DNER: variants seen among roughly 807,000 people sequenced by gnomAD.
DNER encodes delta/notch like EGF repeat containing.
Under a neutral mutation model 78.2 loss-of-function variants are expected in DNER, and 33 were observed. That is an observed-to-expected ratio of 0.42 (90% CI 0.32 to 0.56). The LOEUF is 0.56. DNER is among the 20% of genes least tolerant of loss of function. The probability of loss-of-function intolerance (pLI) is 0.11; values close to 1 mark genes in which losing one functional copy is unlikely to be tolerated. For missense variants in DNER, 918 were observed against 975.3 expected, an observed-to-expected ratio of 0.94 and a Z score of 0.78; for synonymous variants, 417 against 384.8, an observed-to-expected ratio of 1.08 and a Z score of -0.98.
Position 229,381,721 on chromosome 2 carries a change from T to C in DNER, c.1855+6544A>G, listed in dbSNP as rs371702905. ...GCAAAGCCACTATAACCAGACAGCCTCTCTAGATTCCTCCTCTCTGTGCAG... is the reference window on the plus strand; with the variant it reads ...GCAAAGCCACTATAACCAGACAGCCCCTCTAGATTCCTCCTCTCTGTGCAG... On this transcript the variant is annotated intron_variant, in intron 11 of 12. Transcript: ENST00000341772. 3.1e-4 allele frequency among the ~76,000 whole-genome samples: 47 copies of C among 152,266 alleles called. 1 individual carries two copies. In the East Asian group the frequency reaches 8.7e-3, roughly 28 times the overall value.
chr2:229,713,191 T>G (rs1699934194), intron 1 of DNER, among the ~76,000 whole-genome samples: 1 of 152,244 alleles, frequency 6.6e-6, no homozygotes, highest in Non-Finnish European at 1.5e-5. Context: ...TGCCCTACCC[T>G]GCAATACAGG....
At chr2:229,508,886 G>A (rs11896629) in intron 6 of DNER, among the ~76,000 whole-genome samples, 18 of 130 alleles carry the variant, frequency 0.14, no homozygotes, top group South Asian at 0.5. Flanking sequence ...ATCTCAAAAA[G>A]AAAAGAAAAG....
At chr2:229,413,626 T>C (rs1693578874) in intron 9 of DNER, among the ~76,000 whole-genome samples, 1 of 151,570 alleles carries the variant, frequency 6.6e-6, no homozygotes, top group South Asian at 2.1e-4. Flanking sequence ...CGGCCTTTTT[T>C]CCTTTTTCAA....
At chr2:229,453,252 A>G (rs1694498337) in intron 7 of DNER, among the ~76,000 whole-genome samples, 1 of 152,226 alleles carries the variant, frequency 6.6e-6, no homozygotes, top group Non-Finnish European at 1.5e-5. Context: ...AGAAGCAGCA[A>G]TAATTATAAT....
In DNER at chr2:229,615,569, G is replaced by A. The variant is rs4625897; in HGVS notation, c.277-23681C>T. 1.1e-3 allele frequency among the ~76,000 whole-genome samples: 167 copies of A among 151,996 alleles called. 4 individuals are homozygous for A. The highest frequency in any genetic ancestry group is 8.2e-3 in the Admixed American group (125 of 15,282). On this transcript the variant is annotated intron_variant, in intron 1 of 12. Coordinates refer to ENST00000341772, the MANE Select transcript of DNER (RefSeq NM_139072.4). ...CTAAAAATACAAAAAAAAATTAGCCGGAAGTGGTGGTGGGCACCTGTAGCC... is the reference window on the plus strand; with the variant it reads ...CTAAAAATACAAAAAAAAATTAGCCAGAAGTGGTGGTGGGCACCTGTAGCC...
chr2:229,683,711 G>C (rs1699427869), intron 1 of DNER, among the ~76,000 whole-genome samples: 1 of 152,094 alleles, frequency 6.6e-6, no homozygotes, highest in South Asian at 2.1e-4. Flanking sequence ...CATGTGGCCA[G>C]GCACTCATAC....
chr2:229,547,505 C>CT (rs1559163243), intron 4 of DNER, among the ~76,000 whole-genome samples: 1 of 152,168 alleles, frequency 6.6e-6, no homozygotes, highest in Non-Finnish European at 1.5e-5. Flanking sequence ...ACCTGCATTA[C>CT]CCAAGTCCTC....
At chr2:229,569,666 A>G (rs1237755238) in intron 4 of DNER, among the ~76,000 whole-genome samples, 2 of 152,230 alleles carry the variant, frequency 1.3e-5, no homozygotes, top group African/African-American at 4.8e-5. Flanking sequence ...GGTCAATGCT[A>G]TGTAAATTAT....
intron 1 of DNER, among the ~76,000 whole-genome samples, chr2:229,712,099 C>T (rs928242562): frequency 6.6e-6 from 1 of 152,154 alleles, no homozygotes; most frequent in Non-Finnish European, 1.5e-5. Flanking sequence ...CTTCACCGCT[C>T]TCTCCAACTC....
chr2:229,361,844 A>C (rs1692224421), intron 12 of DNER, among the ~76,000 whole-genome samples: 3 of 151,928 alleles, frequency 2.0e-5, no homozygotes, highest in African/African-American at 7.3e-5. Context: ...CATTCTTGTT[A>C]AGTAAAAAAA....
At chr2:229,686,366 A>C (rs528178759) in intron 1 of DNER, among the ~76,000 whole-genome samples, 13 of 152,110 alleles carry the variant, frequency 8.5e-5, no homozygotes, top group South Asian at 4.2e-4. Flanking sequence ...AGCTTTCACC[A>C]TCATTACCAT....
At chr2:229,562,929 C>T (rs1696987472) in intron 4 of DNER, among the ~76,000 whole-genome samples, 1 of 151,404 alleles carries the variant, frequency 6.6e-6, no homozygotes, top group Admixed American at 6.6e-5. Context: ...TATCCCATCA[C>T]CATCATCATC....
intron 1 of DNER, among the ~76,000 whole-genome samples, chr2:229,700,294 G>GCA (rs56017523): frequency 0.45 from 56,335 of 125,534 alleles, 12,223 homozygotes; most frequent in Middle Eastern, 0.57. Context: ...ATGTGTGTGT[G>GCA]TGTGTGTGTG....
chr2:229,670,949 T>C (rs1334790184), intron 1 of DNER, among the ~76,000 whole-genome samples: 4 of 152,218 alleles, frequency 2.6e-5, no homozygotes, highest in African/African-American at 7.2e-5. Context: ...CAATAAGACC[T>C]GGAAAAATGT....
intron 1 of DNER, among the ~76,000 whole-genome samples, chr2:229,596,997 A>C (rs1294602096): frequency 2.0e-5 from 3 of 151,906 alleles, no homozygotes; most frequent in African/African-American, 7.2e-5. Flanking sequence ...ATGCACACGC[A>C]CACATATACA....
chr2:229,378,029 T>C (rs1268346675), intron 11 of DNER, among the ~76,000 whole-genome samples: 1 of 151,956 alleles, frequency 6.6e-6, no homozygotes, highest in Non-Finnish European at 1.5e-5. Context: ...GAGTTGACAA[T>C]TGAGTGATGA....
intron 5 of DNER, among the ~76,000 whole-genome samples, chr2:229,535,791 G>A (rs993226107): frequency 1.3e-5 from 2 of 152,064 alleles, no homozygotes. Flanking sequence ...TTACAGGTGT[G>A]CACCACCATA....
intron 6 of DNER, among the ~76,000 whole-genome samples, chr2:229,491,067 C>G (rs946312864): frequency 1.3e-5 from 2 of 152,206 alleles, no homozygotes; most frequent in Non-Finnish European, 2.9e-5. Context: ...TCCTGTCACT[C>G]TCAGAATGAG....
chr2:229,510,242 T>C (rs1695837780), intron 6 of DNER, among the ~76,000 whole-genome samples: 1 of 152,204 alleles, frequency 6.6e-6, no homozygotes, highest in Admixed American at 6.5e-5. Context: ...AGGATTTCAA[T>C]CGTTGTTCAA....
Sources: allele counts gnomAD v4.1 joint callset (sites outside exome capture counted in the v4.1 genomes callset), GRCh38; gene constraint gnomAD v4.1.1; transcripts MANE v1.5; gene names NCBI Gene and HGNC (gene_info 2026-07-23, HGNC 2026-07-21).